The following PLA2G4A variants were observed in gnomAD, a reference collection of about 807,000 sequenced individuals.
PLA2G4A encodes the protein phospholipase A2 group IVA, also known as cytosolic phospholipase A2.
PLA2G4A carries 40 observed loss-of-function variants against 81.9 expected under a neutral mutation model. The ratio of observed to expected loss-of-function variants is 0.49; its 90% CI spans 0.38 to 0.64. The LOEUF is 0.64. PLA2G4A is among the 30% of genes least tolerant of loss of function. The pLI is 0.00. For synonymous variants in PLA2G4A, 302 were observed against 296.9 expected (o/e 1.02, Z -0.18); for missense variants, 715 against 905.1 (o/e 0.79, Z 2.69).
chr1:186,836,030 A>C (rs1465939211), intron 1 of PLA2G4A, among the ~76,000 whole-genome samples: 1 of 152,130 alleles, frequency 6.6e-6, no homozygotes, highest in Non-Finnish European at 1.5e-5. Flanking sequence ...GTCAATGAAA[A>C]GCAATAAAAG....
intron 3 of PLA2G4A, among the ~76,000 whole-genome samples, chr1:186,885,400 G>T (rs1232450920): frequency 6.6e-6 from 1 of 152,114 alleles, no homozygotes; most frequent in East Asian, 1.9e-4. Flanking sequence ...ACCTTACAAA[G>T]AATGAAATCA....
At chr1:186,854,428 T>G (rs1571335860) in intron 2 of PLA2G4A, 41 bp downstream of exon 2, 1 of 1,285,830 alleles carries the variant, frequency 7.8e-7, no homozygotes, top group African/African-American at 1.5e-5. Context: ...TTGGAGGGGG[T>G]CTGATATGTT....
chr1:186,850,549 C>T (rs1003901983), intron 1 of PLA2G4A, among the ~76,000 whole-genome samples: 2 of 151,942 alleles, frequency 1.3e-5, no homozygotes, highest in Non-Finnish European at 2.9e-5. Flanking sequence ...TTCCCCAGTG[C>T]CTACTACAGA....
chr1:186,858,745 C>G (rs764388258), intron 2 of PLA2G4A, among the ~76,000 whole-genome samples: 2 of 151,966 alleles, frequency 1.3e-5, no homozygotes, highest in Non-Finnish European at 2.9e-5. Context: ...CATGAATAAA[C>G]CATATATTGG....
intron 7 of PLA2G4A, among the ~76,000 whole-genome samples, chr1:186,932,334 T>C (rs968179355): frequency 3.8e-4 from 57 of 151,418 alleles, no homozygotes; most frequent in African/African-American, 1.3e-3. Context: ...CTTGCTCTGT[T>C]GCCCAGGCTG....
chr1:186,983,171 C>T (rs1403749547), intron 17 of PLA2G4A, among the ~76,000 whole-genome samples: 1 of 151,718 alleles, frequency 6.6e-6, no homozygotes, highest in Non-Finnish European at 1.5e-5. Context: ...TAAAGAGCAA[C>T]AAAACTCTGC....
chr1:186,934,904 C>G (rs1266379909), intron 8 of PLA2G4A, among the ~76,000 whole-genome samples: 1 of 152,030 alleles, frequency 6.6e-6, no homozygotes, highest in African/African-American at 2.4e-5. Flanking sequence ...GGCTTTCCCT[C>G]ATGGCTTCTC....
At chr1:186,947,417 G>T (rs1420136876) in intron 12 of PLA2G4A, among the ~76,000 whole-genome samples, 1 of 151,854 alleles carries the variant, frequency 6.6e-6, no homozygotes, top group South Asian at 2.1e-4. Context: ...ATACCCAAAA[G>T]AAGGAAAAAA....
intron 14 of PLA2G4A, among the ~76,000 whole-genome samples, chr1:186,960,662 G>C (rs899511389): frequency 2.6e-5 from 4 of 152,148 alleles, no homozygotes; most frequent in Non-Finnish European, 5.9e-5. Context: ...ACTTTAAAAG[G>C]AGACTAGCTT....
chr1:186,858,801 A>G (rs368968817), intron 2 of PLA2G4A, among the ~76,000 whole-genome samples: 1 of 152,116 alleles, frequency 6.6e-6, no homozygotes, highest in Non-Finnish European at 1.5e-5. Flanking sequence ...TTAGACAGCA[A>G]CTAGCATTCT....
chr1:186,975,082 C>T (rs546782190), intron 15 of PLA2G4A, among the ~76,000 whole-genome samples: 17 of 152,276 alleles, frequency 1.1e-4, no homozygotes, highest in South Asian at 4.1e-4. Context: ...TTTGCCCTCA[C>T]GCAATTGCTC....
At chr1:186,942,413 C>T (rs187304880) in intron 10 of PLA2G4A, among the ~76,000 whole-genome samples, 67 of 152,252 alleles carry the variant, frequency 4.4e-4, no homozygotes, top group African/African-American at 1.6e-3. Flanking sequence ...CCTTGTCTTA[C>T]AATACTTCTA....
chr1:186,912,878 C>T (rs903112093), intron 7 of PLA2G4A, among the ~76,000 whole-genome samples: 16 of 146,420 alleles, frequency 1.1e-4, no homozygotes, highest in African/African-American at 3.0e-4. Flanking sequence ...GGCATACTTA[C>T]GCATAAAGGA....
chr1:186,973,077 C>T (rs1657411780), intron 15 of PLA2G4A, among the ~76,000 whole-genome samples: 1 of 152,164 alleles, frequency 6.6e-6, no homozygotes. Context: ...GTAGTACTTC[C>T]AGTTTTATCT....
Position 186,911,332 on chromosome 1 carries a change from G to A in PLA2G4A, c.501G>A (p.Glu167=). 6.2e-7 allele frequency: 1 copy of A among 1,609,704 alleles called. No homozygotes were observed. The highest frequency in any genetic ancestry group is 8.5e-7 in the Non-Finnish European group (1 of 1,175,930). ...AACAGAGAAAAGAACACATAAGGGA[G>A]AGCATGAAGAAACTCTTGGGTCCAA... ...FRQQRKEHIR[E]SMKKLLGPKN... Residue 167 remains glutamate, a synonymous_variant, in exon 7 of 18, where the codon GAG becomes GAA. Coordinates refer to ENST00000367466, the MANE Select transcript of PLA2G4A (RefSeq NM_024420.3).
At chr1:186,956,496 GTTT>G (rs974792615) in intron 14 of PLA2G4A, 152 bp downstream of exon 14, 5 of 777,974 alleles carry the variant, frequency 6.4e-6, no homozygotes, top group Non-Finnish European at 1.1e-5. Context: ...AATGACTAGG[GTTT>G]TTTTTTTGTT....
intron 2 of PLA2G4A, 149 bp from the exon 3 acceptor site, chr1:186,870,286 G>C: frequency 1.5e-6 from 1 of 681,266 alleles, no homozygotes; most frequent in South Asian, 1.6e-5. Flanking sequence ...AGAGAGAAGA[G>C]AGTCAAAAAA....
intron 1 of PLA2G4A, among the ~76,000 whole-genome samples, chr1:186,839,243 G>A (rs1487422095): frequency 1.3e-5 from 2 of 152,144 alleles, no homozygotes; most frequent in African/African-American, 4.8e-5. Context: ...GTGGTCAGAT[G>A]GATTTCAGTT....
chr1:186,973,360 G>T (rs1192656029), intron 15 of PLA2G4A, among the ~76,000 whole-genome samples: 1 of 151,988 alleles, frequency 6.6e-6, no homozygotes, highest in Non-Finnish European at 1.5e-5. Flanking sequence ...GTCTTCTCTT[G>T]TATCTCATAT....
Sources: gnomAD v4.1 joint callset for allele counts (sites outside exome capture counted in the v4.1 genomes callset) on GRCh38, gnomAD v4.1.1 for gene constraint, MANE v1.5 for transcripts, NCBI Gene and HGNC (gene_info 2026-07-23, HGNC 2026-07-21) for gene names.